Variants in DLGAP1 observed in about 807,000 individuals in gnomAD.
DLGAP1 encodes DLG associated protein 1, also known as disks large-associated protein 1.
DLGAP1 carries 11 observed loss-of-function variants against 90.8 expected under a neutral mutation model. The observed-to-expected ratio is 0.12, with a 90% CI of 0.08 to 0.20. The LOEUF is 0.20. Among genes scored for constraint, DLGAP1 ranks in the 10% least tolerant of loss-of-function variants. The probability of loss-of-function intolerance (pLI) is 1.00; values close to 1 mark genes in which losing one functional copy is unlikely to be tolerated. For synonymous variants in DLGAP1, 558 were observed against 540.7 expected, an observed-to-expected ratio of 1.03 and a Z score of -0.44; for missense variants, 1,050 against 1,333.8, an observed-to-expected ratio of 0.79 and a Z score of 3.31.
chr18:4,187,853 C>G (rs1027077794), intron 1 of DLGAP1, among the ~76,000 whole-genome samples: 34 of 151,716 alleles, frequency 2.2e-4, no homozygotes, highest in African/African-American at 7.5e-4. Context: ...AAAAATTAGC[C>G]AGGTGTGGTG....
intron 3 of DLGAP1, among the ~76,000 whole-genome samples, chr18:3,899,983 A>G (rs2071746178): frequency 6.6e-6 from 1 of 152,174 alleles, no homozygotes; most frequent in African/African-American, 2.4e-5. Context: ...ATATATGCAA[A>G]AACAAAAAAC....
intron 1 of DLGAP1, among the ~76,000 whole-genome samples, chr18:4,449,011 C>G (rs781193480): frequency 2.0e-5 from 3 of 152,186 alleles, no homozygotes; most frequent in Non-Finnish European, 2.9e-5. Context: ...GGGCCACTGT[C>G]TCTGGTCTCC....
At chr18:3,818,683 C>A (rs1265141737) in intron 4 of DLGAP1, among the ~76,000 whole-genome samples, 1 of 151,540 alleles carries the variant, frequency 6.6e-6, no homozygotes, top group African/African-American at 2.4e-5. Flanking sequence ...CTCACTGCAA[C>A]CCCTGCCTCC....
chr18:4,422,700 G>A (rs1244463595), intron 1 of DLGAP1, among the ~76,000 whole-genome samples: 1 of 151,984 alleles, frequency 6.6e-6, no homozygotes, highest in Non-Finnish European at 1.5e-5. Context: ...TCGAAGAAAT[G>A]TGAACCACCT....
intron 1 of DLGAP1, among the ~76,000 whole-genome samples, chr18:4,367,921 C>G (rs1161011251): frequency 6.6e-6 from 1 of 151,856 alleles, no homozygotes; most frequent in Non-Finnish European, 1.5e-5. Context: ...CGTATTTTCT[C>G]AACAATTTTC....
At chr18:4,439,426 ATATT>A (rs2083477135) in intron 1 of DLGAP1, among the ~76,000 whole-genome samples, 1 of 152,190 alleles carries the variant, frequency 6.6e-6, no homozygotes, top group African/African-American at 2.4e-5. Context: ...CTTTAGACAA[ATATT>A]TATTAAGAAG....
intron 1 of DLGAP1, among the ~76,000 whole-genome samples, chr18:4,239,240 A>T (rs1004897002): frequency 6.6e-6 from 1 of 152,222 alleles, no homozygotes; most frequent in African/African-American, 2.4e-5. Flanking sequence ...TTACAATGTC[A>T]TCAAGCATGA....
At chr18:3,835,642 C>T (rs1213852020) in intron 4 of DLGAP1, among the ~76,000 whole-genome samples, 3 of 137,950 alleles carry the variant, frequency 2.2e-5, no homozygotes, top group Non-Finnish European at 4.6e-5. Context: ...AGCAAGGCTC[C>T]GTCTCAAAAA....
chr18:3,834,394 A>G (rs1728011101), intron 4 of DLGAP1, among the ~76,000 whole-genome samples: 1 of 151,670 alleles, frequency 6.6e-6, no homozygotes, highest in African/African-American at 2.4e-5. Context: ...GGTAGTGAAT[A>G]CTGTTCCCCA....
At chr18:4,417,264 A>C (rs1770050087) in intron 1 of DLGAP1, among the ~76,000 whole-genome samples, 1 of 152,172 alleles carries the variant, frequency 6.6e-6, no homozygotes, top group Admixed American at 6.5e-5. Flanking sequence ...TAAAACAATC[A>C]CTAAAATATT....
intron 2 of DLGAP1, among the ~76,000 whole-genome samples, chr18:4,058,181 T>TTGC (rs1288861134): frequency 6.6e-6 from 1 of 152,234 alleles, no homozygotes; most frequent in Non-Finnish European, 1.5e-5. Flanking sequence ...TTTCTCTGTG[T>TTGC]ATATTTGAAA....
At chr18:4,211,543 C>T (rs2077841864) in intron 1 of DLGAP1, among the ~76,000 whole-genome samples, 1 of 152,080 alleles carries the variant, frequency 6.6e-6, no homozygotes, top group South Asian at 2.1e-4. Flanking sequence ...CCCAGTGAGA[C>T]CTCTGCCTTT....
chr18:4,432,592 G>GTGTGTGTA (rs1555618009), intron 1 of DLGAP1, among the ~76,000 whole-genome samples: 5 of 108,214 alleles, frequency 4.6e-5, no homozygotes, highest in Admixed American at 1.8e-4. Flanking sequence ...CTCACATAGT[G>GTGTGTGTA]TGTGTGTGTG....
At chr18:3,802,889 C>T (rs781527448) in intron 5 of DLGAP1, among the ~76,000 whole-genome samples, 40 of 152,090 alleles carry the variant, frequency 2.6e-4, no homozygotes, top group Non-Finnish European at 4.9e-4. Context: ...TACTTGGGGC[C>T]TCCATATCCT....
At chr18:4,036,281 A>G (rs2074887694) in intron 2 of DLGAP1, among the ~76,000 whole-genome samples, 1 of 152,172 alleles carries the variant, frequency 6.6e-6, no homozygotes, top group Non-Finnish European at 1.5e-5. Flanking sequence ...AGGACATGCA[A>G]ATCAGTCTAA....
In DLGAP1 at chr18:4,393,710, G is replaced by A. The variant is rs552293432; in HGVS notation, c.-267+61296C>T. Among the ~76,000 whole-genome samples the A allele has an allele frequency of 6.6e-5, 10 of 152,286 alleles. 1 individual carries two copies. In the South Asian group the frequency reaches 1.9e-3, roughly 28 times the overall value. ...CCTGGAGTCTCCCTTATCTAGAACA[G>A]CAGTCCCCAACCCTTTCGGCACCAG... On this transcript the variant is annotated intron_variant, in intron 1 of 12. Coordinates refer to ENST00000315677, the MANE Select transcript of DLGAP1 (RefSeq NM_004746.4).
chr18:4,143,507 A>C (rs1360811235), intron 2 of DLGAP1, among the ~76,000 whole-genome samples: 5 of 151,738 alleles, frequency 3.3e-5, no homozygotes, highest in Non-Finnish European at 7.4e-5. Flanking sequence ...CTCACTCTTC[A>C]GGGCAGCAGG....
intron 10 of DLGAP1, among the ~76,000 whole-genome samples, chr18:3,522,101 T>C (rs1226334847): frequency 6.8e-6 from 1 of 148,112 alleles, no homozygotes; most frequent in Non-Finnish European, 1.5e-5. Flanking sequence ...AGTTTTGCCT[T>C]TTTTTTTTTA....
chr18:3,528,319 T>C (rs2051780240), intron 10 of DLGAP1, among the ~76,000 whole-genome samples: 1 of 152,200 alleles, frequency 6.6e-6, no homozygotes, highest in South Asian at 2.1e-4. Flanking sequence ...CCAAGTGGGA[T>C]TGGCCTCTCT....
Sources: gnomAD v4.1 joint callset for allele counts (sites outside exome capture counted in the v4.1 genomes callset) on GRCh38, gnomAD v4.1.1 for gene constraint, MANE v1.5 for transcripts, NCBI Gene and HGNC (gene_info 2026-07-23, HGNC 2026-07-21) for gene names.